Variants in NSUN7 observed in about 807,000 individuals in gnomAD.
NSUN7 encodes protein NSUN7.
A neutral mutation model predicts 58.5 loss-of-function variants in NSUN7; 39 were observed. That is an observed-to-expected ratio of 0.67 (90% CI 0.52 to 0.87). NSUN7 has a LOEUF of 0.87. Ranked by LOEUF, NSUN7 falls within the 40% of genes least tolerant of loss-of-function variation. The pLI is 0.00. For synonymous variants in NSUN7, 278 were observed against 303.7 expected, an observed-to-expected ratio of 0.92 and a Z score of 0.88; for missense variants, 765 against 844.1, an observed-to-expected ratio of 0.91 and a Z score of 1.16.
At chr4:40,799,073 CTTTTTTTTT>C (rs761448412) in intron 10 of NSUN7, among the ~76,000 whole-genome samples, 169 bp downstream of exon 10, 30 of 76,208 alleles carry the variant, frequency 3.9e-4, no homozygotes, top group South Asian at 4.5e-4. Context: ...GGGCCTTTTT[CTTTTTTTTT>C]TTTTTTTTTT....
At chr4:40,785,046 T>C (rs1169241236) in intron 7 of NSUN7, among the ~76,000 whole-genome samples, 1 of 152,150 alleles carries the variant, frequency 6.6e-6, no homozygotes, top group African/African-American at 2.4e-5. Context: ...GTTGTTGTTG[T>C]TGTTGTTTTA....
At chr4:40,789,030 G>C (rs561071235) in intron 7 of NSUN7, among the ~76,000 whole-genome samples, 1 of 152,136 alleles carries the variant, frequency 6.6e-6, no homozygotes, top group African/African-American at 2.4e-5. Flanking sequence ...AAGGAAAAAG[G>C]GTTTTAGAAT....
At chr4:40,801,221 A>G (rs1298996656) in intron 10 of NSUN7, among the ~76,000 whole-genome samples, 1 of 152,224 alleles carries the variant, frequency 6.6e-6, no homozygotes, top group Non-Finnish European at 1.5e-5. Context: ...ACAATGGACT[A>G]TAACAAGGTA....
At position 40,809,148 on chromosome 4, in the gene NSUN7, A is replaced by AGTGAGAAACAATAATGTAGGAG; in HGVS notation, c.*209_*210insGTGAGAAACAATAATGTAGGAG. On this transcript the variant is annotated 3_prime_UTR_variant, in exon 12 of 12. Transcript: ENST00000381782. ...AAGCAGAATTCAGAGACTTCAGCCA[A>AGTGAGAAACAATAATGTAGGAG]TCACTGCTGCTCTGAGAGGATCCAG... 1.9e-6 allele frequency: 1 copy of AGTGAGAAACAATAATGTAGGAG among 539,830 alleles called. No individual in the cohort carries two copies. The highest frequency in any genetic ancestry group is 3.2e-6 in the Non-Finnish European group (1 of 311,284). 33.4% of individuals were successfully genotyped at this position (539,830 alleles called of 1,614,324 possible).
intron 10 of NSUN7, among the ~76,000 whole-genome samples, chr4:40,801,668 T>G (rs1743586266): frequency 6.6e-6 from 1 of 151,732 alleles, no homozygotes; most frequent in Non-Finnish European, 1.5e-5. Flanking sequence ...GAGGCTGAGG[T>G]GGGTGGGCCA....
Position 40,798,847 on chromosome 4 carries a change from C to T in NSUN7, c.1343C>T (p.Ala448Val). The change falls in exon 10 of 12, where the codon GCT becomes GTT. Residue 448 changes from alanine (A) to valine (V), a missense_variant. Coordinates refer to ENST00000381782, the MANE Select transcript of NSUN7 (RefSeq NM_024677.6). Reference protein sequence around the residue: ...TCSVFPEENEAVVKKALEFQD... With the variant: ...TCSVFPEENEVVVKKALEFQD... ...TCAGTTTTTCCAGAAGAAAATGAAG[C>T]TGTTGTTAAGAAAGCACTGGAATTT... The T allele has an allele frequency of 1.2e-6, 2 of 1,612,416 alleles. No homozygotes were observed. The highest frequency in any genetic ancestry group is 1.7e-6 in the Non-Finnish European group (2 of 1,179,118).
intron 9 of NSUN7, among the ~76,000 whole-genome samples, chr4:40,796,187 C>T (rs781298191): frequency 6.6e-6 from 1 of 152,150 alleles, no homozygotes; most frequent in Admixed American, 6.5e-5. Flanking sequence ...AACCCCATCT[C>T]TACTAAAAAT....
At position 40,774,767 on chromosome 4, in the gene NSUN7, C is replaced by G. The variant is rs1228094692; in HGVS notation, c.642C>G (p.Ser214Arg). 21 of 1,489,798 alleles carry G rather than the reference C, an allele frequency of 1.4e-5. No homozygotes were observed. The highest frequency in any genetic ancestry group is 1.8e-5 in the Non-Finnish European group (20 of 1,091,554). 92.3% of individuals were successfully genotyped at this position (1,489,798 alleles called of 1,614,324 possible). ...ACAAGCTAATGTTGTATATTTACAGCCCTGAAGAAGTTTATAATAATTTGA... is the reference window on the plus strand; with the variant it reads ...ACAAGCTAATGTTGTATATTTACAGGCCTGAAGAAGTTTATAATAATTTGA... ...LYAWINTCKI[S>R]PEEVYNNLKR... Residue 214 changes from serine (S) to arginine (R), a missense_variant and splice_region_variant, in exon 6 of 12, where the codon AGC becomes AGG. Transcript: ENST00000381782.
chr4:40,762,579 T>C (rs1175856867), intron 4 of NSUN7: 2 of 152,248 alleles, frequency 1.3e-5, no homozygotes, highest in South Asian at 2.1e-4. Context: ...CATTGGTTAC[T>C]GTTACCAACC....
At chr4:40,763,318 T>C (rs535592667) in intron 4 of NSUN7, among the ~76,000 whole-genome samples, 27 of 152,292 alleles carry the variant, frequency 1.8e-4, no homozygotes, top group Admixed American at 1.8e-3. Flanking sequence ...CTTGCGCCTG[T>C]TTACTTTGTG....
At position 40,809,420 on chromosome 4, in the gene NSUN7, G is replaced by A. The variant is rs1744060938; in HGVS notation, c.*481G>A. On this transcript the variant is annotated 3_prime_UTR_variant, in exon 12 of 12. Transcript: ENST00000381782. ...AGGGTGATTTTTTCTTAAATATCAA[G>A]CTGTTCTTTGAACAGGGAATGAACA... 6.6e-6 allele frequency: 1 copy of A among 152,506 alleles called. No individual in the cohort carries two copies. The highest frequency in any genetic ancestry group is 2.4e-5 in the African/African-American group (1 of 41,450). 9.4% of individuals were successfully genotyped at this position (152,506 alleles called of 1,614,324 possible).
chr4:40,766,042 C>T (rs1741707632), intron 4 of NSUN7, among the ~76,000 whole-genome samples: 1 of 152,158 alleles, frequency 6.6e-6, no homozygotes, highest in Admixed American at 6.5e-5. Context: ...GACAATTTGA[C>T]TTCCTCTTTT....
chr4:40,790,878 A>G, intron 8 of NSUN7, 133 bp downstream of exon 8: 2 of 667,866 alleles, frequency 3.0e-6, no homozygotes, highest in East Asian at 6.0e-5. Flanking sequence ...AGTACTTACT[A>G]TGTATAAAGT....
intron 10 of NSUN7, among the ~76,000 whole-genome samples, chr4:40,804,070 C>G (rs1449732417): frequency 1.3e-5 from 2 of 152,184 alleles, no homozygotes; most frequent in African/African-American, 4.8e-5. Flanking sequence ...TATTTCTGGA[C>G]TCTCATTCTA....
intron 10 of NSUN7, among the ~76,000 whole-genome samples, chr4:40,806,539 T>C (rs1743813816): frequency 6.6e-6 from 1 of 152,204 alleles, no homozygotes; most frequent in African/African-American, 2.4e-5. Flanking sequence ...TTATGTACTT[T>C]CTTGAACACT....
intron 2 of NSUN7, among the ~76,000 whole-genome samples, chr4:40,760,218 G>A (rs1741382609): frequency 6.6e-6 from 1 of 152,104 alleles, no homozygotes; most frequent in Admixed American, 6.6e-5. Context: ...CTTTAACTAT[G>A]ATTCCATGCG....
At chr4:40,798,766 T>C in intron 9 of NSUN7, 21 bp from the exon 10 acceptor site, 1 of 1,343,312 alleles carries the variant, frequency 7.4e-7, no homozygotes. Context: ...GTTACAGTCA[T>C]TGCATCTTCT....
At chr4:40,762,571 T>C (rs778644079) in intron 4 of NSUN7, 5 of 152,198 alleles carry the variant, frequency 3.3e-5, no homozygotes, top group African/African-American at 4.8e-5. Context: ...ATTCTATGCA[T>C]TGGTTACTGT....
chr4:40,802,575 CT>C (rs1220712930), intron 10 of NSUN7, among the ~76,000 whole-genome samples: 2 of 152,108 alleles, frequency 1.3e-5, no homozygotes, highest in African/African-American at 4.8e-5. Context: ...GATATTTTTA[CT>C]GCTGATACAG....
Sources: allele counts gnomAD v4.1 joint callset (sites outside exome capture counted in the v4.1 genomes callset), GRCh38; gene constraint gnomAD v4.1.1; transcripts MANE v1.5; gene names NCBI Gene and HGNC (gene_info 2026-07-23, HGNC 2026-07-21).